DLGAP2: variants seen among roughly 807,000 people sequenced by gnomAD.
DLGAP2 encodes disks large-associated protein 2.
Under a neutral mutation model 100.3 loss-of-function variants are expected in DLGAP2, and 26 were observed. The ratio of observed to expected loss-of-function variants is 0.26; its 90% confidence interval spans 0.19 to 0.36. The LOEUF (loss-of-function observed/expected upper bound fraction) is 0.36, where lower values mean the gene tolerates loss of function less well. DLGAP2 is among the 10% of genes least tolerant of loss of function. The probability of loss-of-function intolerance (pLI) is 1.00; values close to 1 mark genes in which losing one functional copy is unlikely to be tolerated. For missense variants in DLGAP2, 1,858 were observed against 1,453.2 expected (o/e 1.28, Z -4.53); for synonymous variants, 886 against 630.1 (o/e 1.41, Z -6.08).
chr8:1,355,498 G>A (rs1801827122), intron 3 of DLGAP2, among the ~76,000 whole-genome samples: 1 of 152,078 alleles, frequency 6.6e-6, no homozygotes, highest in African/African-American at 2.4e-5. Flanking sequence ...CTGAGTAGCT[G>A]GGATTACAGG....
At chr8:819,613 C>G (rs888378265) in intron 1 of DLGAP2, among the ~76,000 whole-genome samples, 6 of 152,084 alleles carry the variant, frequency 3.9e-5, no homozygotes, top group Non-Finnish European at 7.4e-5. Context: ...GCATGGAGAA[C>G]AAATATGAGA....
At chr8:754,614 G>A (rs768365062) in intron 1 of DLGAP2, among the ~76,000 whole-genome samples, 1 of 152,198 alleles carries the variant, frequency 6.6e-6, no homozygotes, top group Admixed American at 6.5e-5. Context: ...AGTGCTCTGC[G>A]AGGCCAAGGA....
intron 3 of DLGAP2, among the ~76,000 whole-genome samples, chr8:1,344,625 C>T (rs748755211): frequency 1.2e-4 from 19 of 152,164 alleles, no homozygotes; most frequent in Middle Eastern, 6.3e-3. Flanking sequence ...GAAAACCCGG[C>T]ACTGGTCTAT....
chr8:970,936 A>G (rs1461991677), intron 2 of DLGAP2, among the ~76,000 whole-genome samples: 1 of 152,218 alleles, frequency 6.6e-6, no homozygotes. Context: ...AATGTGCATT[A>G]TTTTCTGCTA....
rs115074261 is a variant in DLGAP2 at position 1,209,870 on chromosome 8, T to C, written c.74-48981T>C. ...AGAAGCCACTCAGAACGCCCAGGCA[T>C]GTCCTACCCCCTCGTAATCCCACCT... On this transcript the variant is annotated intron_variant, in intron 2 of 14. Coordinates refer to ENST00000637795, the MANE Select transcript of DLGAP2 (RefSeq NM_001346810.2). Among the ~76,000 whole-genome samples the C allele has an allele frequency of 6.8e-3, 1,043 of 152,278 alleles. 18 individuals are homozygous for C. The highest frequency in any genetic ancestry group is 0.024 in the African/African-American group (982 of 41,552).
chr8:748,336 G>C (rs897720489), intron 1 of DLGAP2, among the ~76,000 whole-genome samples: 3 of 151,950 alleles, frequency 2.0e-5, no homozygotes, highest in African/African-American at 7.3e-5. Context: ...GCAGGCTCTG[G>C]TGCTTTCTGT....
intron 1 of DLGAP2, among the ~76,000 whole-genome samples, chr8:772,792 T>G (rs1563424018): frequency 6.6e-6 from 1 of 152,228 alleles, no homozygotes; most frequent in Non-Finnish European, 1.5e-5. Context: ...TGGCTTCTTG[T>G]GGCATGCATG....
intron 2 of DLGAP2, among the ~76,000 whole-genome samples, chr8:911,674 A>G (rs890536142): frequency 3.5e-4 from 51 of 146,874 alleles, no homozygotes; most frequent in African/African-American, 1.2e-3. Context: ...AAGGATGCGT[A>G]TATAATGTAT....
At chr8:1,251,012 G>C (rs1157663567) in intron 2 of DLGAP2, among the ~76,000 whole-genome samples, 1 of 152,208 alleles carries the variant, frequency 6.6e-6, no homozygotes, top group African/African-American at 2.4e-5. Flanking sequence ...TTGGCTTTCT[G>C]CTACGTGTAT....
At chr8:1,028,528 C>T (rs1188208854) in intron 2 of DLGAP2, among the ~76,000 whole-genome samples, 1 of 152,206 alleles carries the variant, frequency 6.6e-6, no homozygotes, top group African/African-American at 2.4e-5. Flanking sequence ...GTGCCAGGCA[C>T]CCGTTATTCT....
chr8:1,428,415 T>TGAGA (rs924744043), intron 3 of DLGAP2, among the ~76,000 whole-genome samples: 8 of 150,724 alleles, frequency 5.3e-5, no homozygotes, highest in Non-Finnish European at 1.0e-4. Context: ...TCTCTTTCCT[T>TGAGA]GAGAGAGAGA....
At chr8:1,368,017 G>T (rs896780352) in intron 3 of DLGAP2, among the ~76,000 whole-genome samples, 1 of 152,172 alleles carries the variant, frequency 6.6e-6, no homozygotes, top group African/African-American at 2.4e-5. Context: ...GGACTGATTG[G>T]TTTTATTTTG....
chr8:1,198,487 G>A (rs768062634), intron 2 of DLGAP2, among the ~76,000 whole-genome samples: 8 of 152,084 alleles, frequency 5.3e-5, no homozygotes, highest in Non-Finnish European at 1.0e-4. Context: ...GCCAGGGCCT[G>A]TGGTCCAGAA....
chr8:1,135,806 AAGG>A (rs1796398320), intron 2 of DLGAP2, among the ~76,000 whole-genome samples: 1 of 152,178 alleles, frequency 6.6e-6, no homozygotes, highest in Non-Finnish European at 1.5e-5. Context: ...GAAAAACACG[AAGG>A]AGATGTTCAT....
At chr8:756,008 C>T (rs10100132) in intron 1 of DLGAP2, among the ~76,000 whole-genome samples, 22,301 of 152,128 alleles carry the variant, frequency 0.15, 1,997 homozygotes, top group South Asian at 0.22. Context: ...CGCTAGGGTC[C>T]TGTTTTAGGT....
At chr8:1,020,138 C>T (rs1188624946) in intron 2 of DLGAP2, among the ~76,000 whole-genome samples, 1 of 152,120 alleles carries the variant, frequency 6.6e-6, no homozygotes, top group Non-Finnish European at 1.5e-5. Context: ...TTCAAGTATC[C>T]ATACAGTGGC....
intron 1 of DLGAP2, among the ~76,000 whole-genome samples, chr8:844,626 C>T (rs1797041359): frequency 6.6e-6 from 1 of 152,234 alleles, no homozygotes; most frequent in African/African-American, 2.4e-5. Flanking sequence ...CAAGGATCCC[C>T]ACTATGGGGA....
At chr8:1,046,190 C>G (rs1182929416) in intron 2 of DLGAP2, among the ~76,000 whole-genome samples, 1 of 152,132 alleles carries the variant, frequency 6.6e-6, no homozygotes, top group African/African-American at 2.4e-5. Context: ...GGTTTAATCA[C>G]TTTTATTTTC....
At position 1,257,790 on chromosome 8, in the gene DLGAP2, G is replaced by A. The variant is rs184834471; in HGVS notation, c.74-1061G>A. Among the ~76,000 whole-genome samples, 6 of 152,274 alleles carry A rather than the reference G, an allele frequency of 3.9e-5. No homozygotes were observed. In the East Asian group the frequency reaches 1.2e-3, roughly 29 times the overall value. On this transcript the variant is annotated intron_variant, in intron 2 of 14. Transcript: ENST00000637795. ...CTCCCGAGGGCCCGTGCAGGCCAGTGCTGTCCCTGCAGTCTTGATATCTGA... is the reference window on the plus strand; with the variant it reads ...CTCCCGAGGGCCCGTGCAGGCCAGTACTGTCCCTGCAGTCTTGATATCTGA...
Sources: allele counts gnomAD v4.1 joint callset (sites outside exome capture counted in the v4.1 genomes callset), GRCh38; gene constraint gnomAD v4.1.1; transcripts MANE v1.5; gene names NCBI Gene and HGNC (gene_info 2026-07-23, HGNC 2026-07-21).